PPARG: variants seen among roughly 807,000 people sequenced by gnomAD.
The protein encoded by PPARG is peroxisome proliferator activated receptor gamma.
In PPARG, 17 loss-of-function variants were observed where a neutral mutation model predicts 39.2. The ratio of observed to expected loss-of-function variants is 0.43; its 90% confidence interval spans 0.30 to 0.65. PPARG has a LOEUF of 0.65. PPARG is among the 30% of genes least tolerant of loss of function. The probability of loss-of-function intolerance (pLI) is 0.13; values close to 1 mark genes in which losing one functional copy is unlikely to be tolerated. For synonymous variants in PPARG, 223 were observed against 215.7 expected, an observed-to-expected ratio of 1.03 and a Z score of -0.30; for missense variants, 406 against 585.9, an observed-to-expected ratio of 0.69 and a Z score of 3.17.
chr3:12,389,443 A>G (rs2049991068), intron 4 of PPARG, among the ~76,000 whole-genome samples: 1 of 152,196 alleles, frequency 6.6e-6, no homozygotes, highest in African/African-American at 2.4e-5. Flanking sequence ...CCGAATACTA[A>G]AGACAAATAG....
At chr3:12,395,080 G>T (rs1197357379) in intron 5 of PPARG, among the ~76,000 whole-genome samples, 1 of 152,188 alleles carries the variant, frequency 6.6e-6, no homozygotes, top group Non-Finnish European at 1.5e-5. Flanking sequence ...GCTTCTGAAG[G>T]AACTGGTAGG....
intron 2 of PPARG, among the ~76,000 whole-genome samples, chr3:12,313,976 T>C (rs1316749027): frequency 1.3e-5 from 2 of 152,160 alleles, no homozygotes; most frequent in Non-Finnish European, 1.5e-5. Flanking sequence ...CTTCCACTAA[T>C]ACTAAAATTA....
At chr3:12,387,565 G>GTTGT (rs559807139) in intron 4 of PPARG, among the ~76,000 whole-genome samples, 2,030 of 152,082 alleles carry the variant, frequency 0.013, 50 homozygotes, top group African/African-American at 0.046. Context: ...TTTTGATGGG[G>GTTGT]TTGTTTTTTT....
intron 5 of PPARG, among the ~76,000 whole-genome samples, chr3:12,400,981 C>G (rs568861380): frequency 6.6e-6 from 1 of 152,270 alleles, no homozygotes; most frequent in Admixed American, 6.5e-5. Flanking sequence ...CCAGAGAGGC[C>G]AAAAGTTCTT....
At chr3:12,298,398 T>C (rs1053662052) in intron 1 of PPARG, among the ~76,000 whole-genome samples, 3 of 149,940 alleles carry the variant, frequency 2.0e-5, no homozygotes, top group African/African-American at 4.9e-5. Context: ...TATATATATG[T>C]ATAGACACAC....
chr3:12,430,990 G>A (rs946068035), intron 7 of PPARG, among the ~76,000 whole-genome samples: 5 of 152,180 alleles, frequency 3.3e-5, no homozygotes, highest in Non-Finnish European at 7.4e-5. Flanking sequence ...ACCAGGTCAT[G>A]AAGGACATTA....
chr3:12,351,783 G>A lies in PPARG; in HGVS notation c.-8-27921G>A, dbSNP rs1397659981. 8.5e-6 allele frequency: 7 copies of A among 826,968 alleles called. No homozygotes were observed. The Admixed American group carries it at 1.1e-4, about 13-fold the overall frequency. 51.2% of individuals were successfully genotyped at this position (826,968 alleles called of 1,614,324 possible). On this transcript the variant is annotated intron_variant, in intron 2 of 7. Transcript: ENST00000651735. ...GTTGTGTTTGTTTTAATACTATCAT[G>A]TGTACACTCCAGTATTTTAATGCTT...
intron 2 of PPARG, among the ~76,000 whole-genome samples, chr3:12,377,336 C>T (rs2049451785): frequency 6.6e-6 from 1 of 152,014 alleles, no homozygotes; most frequent in South Asian, 2.1e-4. Context: ...AAAATTAATG[C>T]TGGGCTAGAG....
intron 7 of PPARG, among the ~76,000 whole-genome samples, chr3:12,422,493 G>A (rs2051297991): frequency 6.6e-6 from 1 of 152,194 alleles, no homozygotes; most frequent in Non-Finnish European, 1.5e-5. Context: ...GTATTGAGAT[G>A]TGGAAGCATC....
chr3:12,337,952 A>T (rs1472449490), intron 2 of PPARG, among the ~76,000 whole-genome samples: 1 of 152,160 alleles, frequency 6.6e-6, no homozygotes, highest in Non-Finnish European at 1.5e-5. Flanking sequence ...GGACTTGAGC[A>T]TCTTGGATTT....
At chr3:12,393,088 C>G (rs188610122) in intron 5 of PPARG, among the ~76,000 whole-genome samples, 123 of 151,484 alleles carry the variant, frequency 8.1e-4, no homozygotes, top group African/African-American at 2.9e-3. Flanking sequence ...TTAAAATTTA[C>G]TTTTGTGTAT....
intron 5 of PPARG, chr3:12,399,267 C>T: frequency 4.5e-6 from 2 of 446,394 alleles, no homozygotes; most frequent in Non-Finnish European, 4.5e-6. Context: ...TAAATGTCCT[C>T]TACAAATAGT....
intron 4 of PPARG, among the ~76,000 whole-genome samples, chr3:12,387,886 A>AT (rs11372505): frequency 1 from 152,201 of 152,206 alleles, 76,098 homozygotes; most frequent in Middle Eastern, 1. Flanking sequence ...TCTTGAGTTA[A>AT]TTTTGTATAT....
At chr3:12,331,850 G>C (rs2047869914) in intron 2 of PPARG, among the ~76,000 whole-genome samples, 1 of 152,184 alleles carries the variant, frequency 6.6e-6, no homozygotes, top group Non-Finnish European at 1.5e-5. Context: ...CATTGAAGGA[G>C]GACCAGTTTT....
At chr3:12,406,545 T>TTTTTTTTTTTTTTTTTG (rs2050677743) in intron 6 of PPARG, 1 of 152,850 alleles carries the variant, frequency 6.5e-6, no homozygotes, top group Non-Finnish European at 1.4e-5. Flanking sequence ...TTTTTTTTTT[T>TTTTTTTTTTTTTTTTTG]TTTTTTTTTT....
At chr3:12,370,700 A>G (rs192438820) in intron 2 of PPARG, among the ~76,000 whole-genome samples, 12 of 152,376 alleles carry the variant, frequency 7.9e-5, no homozygotes, top group Admixed American at 3.9e-4. Flanking sequence ...GAAGTCTCAC[A>G]GTAAACCTAT....
intron 6 of PPARG, among the ~76,000 whole-genome samples, chr3:12,409,307 T>G (rs1053081430): frequency 1.3e-5 from 2 of 152,162 alleles, no homozygotes; most frequent in African/African-American, 4.8e-5. Flanking sequence ...ATCCATTCAC[T>G]GATGACACAA....
intron 4 of PPARG, among the ~76,000 whole-genome samples, chr3:12,381,751 G>A (rs1055355997): frequency 1.3e-5 from 2 of 151,980 alleles, no homozygotes; most frequent in Non-Finnish European, 2.9e-5. Flanking sequence ...TAAAAGTTGG[G>A]CTGCTTTGCC....
At chr3:12,323,311 C>T (rs1316113720) in intron 2 of PPARG, among the ~76,000 whole-genome samples, 2 of 152,098 alleles carry the variant, frequency 1.3e-5, no homozygotes, top group African/African-American at 4.8e-5. Flanking sequence ...GACCAGACCT[C>T]GATTCAGATT....
Sources: gnomAD v4.1 joint callset for allele counts (sites outside exome capture counted in the v4.1 genomes callset) on GRCh38, gnomAD v4.1.1 for gene constraint, MANE v1.5 for transcripts, NCBI Gene and HGNC (gene_info 2026-07-23, HGNC 2026-07-21) for gene names.